Variants in USP25 observed in about 807,000 individuals in gnomAD.
USP25 encodes ubiquitin carboxyl-terminal hydrolase 25.
A neutral mutation model predicts 158.5 loss-of-function variants in USP25; 85 were observed. The observed-to-expected ratio is 0.54, with a 90% confidence interval of 0.45 to 0.64. The LOEUF (loss-of-function observed/expected upper bound fraction) is 0.64, where lower values mean the gene tolerates loss of function less well. Among genes scored for constraint, USP25 ranks in the 30% least tolerant of loss-of-function variants. The pLI, the probability that USP25 is intolerant of heterozygous loss-of-function variation, is 0.00. For synonymous variants in USP25, 464 were observed against 460.4 expected (o/e 1.01, Z -0.10); for missense variants, 1,242 against 1,327.3 (o/e 0.94, Z 1.00).
At chr21:15,760,386 T>C (rs2033655717) in intron 1 of USP25, among the ~76,000 whole-genome samples, 2 of 152,224 alleles carry the variant, frequency 1.3e-5, no homozygotes, top group African/African-American at 2.4e-5. Context: ...AGACTTGATG[T>C]TGGGTGTCCC....
intron 1 of USP25, among the ~76,000 whole-genome samples, chr21:15,732,571 T>G (rs962079328): frequency 3.3e-5 from 5 of 152,134 alleles, no homozygotes; most frequent in Non-Finnish European, 5.9e-5. Context: ...AAAGGAGAGG[T>G]GTGTAGTGTA....
At chr21:15,734,420 GATTATCTTATT>G (rs1192526649) in intron 1 of USP25, among the ~76,000 whole-genome samples, 6 of 152,152 alleles carry the variant, frequency 3.9e-5, no homozygotes, top group African/African-American at 1.4e-4. Context: ...GGAATCAGTT[GATTATCTTATT>G]ATTAGTATAA....
chr21:15,870,115 C>T lies in USP25; in HGVS notation c.2853C>T (p.Leu951=), dbSNP rs2039822665. The change falls in exon 23 of 26, where the codon CTC becomes CTT. Residue 951 remains leucine (L), a synonymous_variant. Coordinates refer to ENST00000400183, the MANE Select transcript of USP25 (RefSeq NM_001283041.3). ...AATTCAGGGAAACAACTATGTATCT[C>T]ATAATTGGGCTAGAAAATTTTCAAA... The part of the protein sequence containing the change: ...YRKFRETTMY[L]IIGLENFQRE... The T allele has an allele frequency of 3.1e-6, 5 of 1,609,348 alleles. No individual in the cohort carries two copies. Among genetic ancestry groups the T allele is most frequent in the South Asian group, 1.1e-5 (1 of 90,226 alleles).
At chr21:15,769,196 T>G (rs2034209204) in intron 3 of USP25, among the ~76,000 whole-genome samples, 1 of 152,116 alleles carries the variant, frequency 6.6e-6, no homozygotes, top group African/African-American at 2.4e-5. Context: ...TTGTGAGCCT[T>G]CCTTTAATAT....
chr21:15,824,946 T>C lies in USP25; in HGVS notation c.1209-20T>C, dbSNP rs369207812. 2.5e-6 allele frequency: 4 copies of C among 1,580,858 alleles called. No individual in the cohort carries two copies. In the African/African-American group the frequency reaches 5.4e-5, roughly 21 times the overall value. ...CTTTCATGATATTCGGAAATGCTAA[T>C]GATTACCTTTTTCTGATAGATACAT... On this transcript the variant is annotated intron_variant, in intron 11 of 25. Coordinates refer to ENST00000400183, the MANE Select transcript of USP25 (RefSeq NM_001283041.3).
Position 15,766,073 on chromosome 21 carries a change from C to G in USP25, c.200C>G (p.Thr67Arg). ...KNAKTPQQEETTYYQTALPGN... is the reference protein window; with the variant it reads ...KNAKTPQQEERTYYQTALPGN... Reference sequence around the variant, plus strand: ...GCTAAGACCCCTCAGCAGGAGGAGACAACTTACTACCAAACAGCACTTCCT... The same window carrying G: ...GCTAAGACCCCTCAGCAGGAGGAGAGAACTTACTACCAAACAGCACTTCCT... The change falls in exon 3 of 26, where the codon ACA becomes AGA. Residue 67 changes from threonine to arginine, a missense_variant. By Grantham distance (71) the Thr-to-Arg change is moderately conservative. Around this residue, in one of 3 missense-constraint regions of USP25, gnomAD observed 627 missense variants for 701.4 expected, o/e 0.89. Coordinates refer to ENST00000400183, the MANE Select transcript of USP25 (RefSeq NM_001283041.3). The surrounding 1 kb of genome is among the most constrained non-coding windows in gnomAD (Gnocchi z 4.0). 1 of 1,610,894 alleles carries G rather than the reference C, an allele frequency of 6.2e-7. No individual in the cohort carries two copies. Among genetic ancestry groups the G allele is most frequent in the Non-Finnish European group, 8.5e-7 (1 of 1,178,304 alleles).
intron 20 of USP25, among the ~76,000 whole-genome samples, chr21:15,856,031 T>G (rs927659993): frequency 6.6e-6 from 1 of 152,250 alleles, no homozygotes; most frequent in African/African-American, 2.4e-5. Context: ...TATAATTTTT[T>G]TCTATCCTTC....
chr21:15,737,016 T>C (rs2031586169), intron 1 of USP25, among the ~76,000 whole-genome samples: 1 of 152,118 alleles, frequency 6.6e-6, no homozygotes, highest in African/African-American at 2.4e-5. Context: ...TGTTTATGTA[T>C]GTATCTTTTT....
chr21:15,807,118 G>A (rs1006409258), intron 7 of USP25, among the ~76,000 whole-genome samples: 1 of 152,016 alleles, frequency 6.6e-6, no homozygotes, highest in Non-Finnish European at 1.5e-5. Flanking sequence ...TATAGAGACA[G>A]GATCTCCCTA....
At chr21:15,807,778 A>G (rs538916038) in intron 7 of USP25, among the ~76,000 whole-genome samples, 35 of 152,234 alleles carry the variant, frequency 2.3e-4, no homozygotes, top group African/African-American at 7.9e-4. Flanking sequence ...TACCTTAATT[A>G]TATTGACAAA....
At chr21:15,812,697 G>C (rs895747126) in intron 9 of USP25, among the ~76,000 whole-genome samples, 3 of 151,956 alleles carry the variant, frequency 2.0e-5, no homozygotes, top group African/African-American at 7.2e-5. Context: ...TGAAGTCTTT[G>C]TACTTGGTAT....
intron 1 of USP25, among the ~76,000 whole-genome samples, chr21:15,739,600 G>A (rs1393861174): frequency 6.6e-6 from 1 of 151,966 alleles, no homozygotes; most frequent in African/African-American, 2.4e-5. Flanking sequence ...ATTGATTTCT[G>A]CCCTGATGTG....
rs150214303 is a variant in USP25, at chr21:15,747,493, C to CCTATATA, written c.46-15397_46-15391dup. Among the ~76,000 whole-genome samples, 324 of 151,194 alleles carry CCTATATA rather than the reference C, an allele frequency of 2.1e-3. 2 individuals carry two copies. Among genetic ancestry groups the CCTATATA allele is most frequent in the African/African-American group, 7.7e-3 (317 of 41,234 alleles). ...ACTATATAGTACATATAGTTTTTTT[C>CCTATATA]CTATATATAGTATCTACCTGTGATA... On this transcript the variant is annotated intron_variant, in intron 1 of 25. Transcript: ENST00000400183.
chr21:15,807,722 G>C (rs1164705023), intron 7 of USP25, among the ~76,000 whole-genome samples: 1 of 152,138 alleles, frequency 6.6e-6, no homozygotes, highest in Non-Finnish European at 1.5e-5. Context: ...CTCACCATTG[G>C]ATTTAGCCCC....
chr21:15,789,420 A>G (rs537580753), intron 4 of USP25, among the ~76,000 whole-genome samples: 3 of 152,172 alleles, frequency 2.0e-5, no homozygotes, highest in African/African-American at 7.2e-5. Flanking sequence ...TTATTGTGAT[A>G]TGTGTGATCT....
chr21:15,863,135 C>T (rs1253710492), intron 20 of USP25, among the ~76,000 whole-genome samples: 4 of 151,828 alleles, frequency 2.6e-5, no homozygotes, highest in Non-Finnish European at 1.5e-5. Context: ...ATCATATGGT[C>T]CTCTTGTACA....
At chr21:15,741,254 C>G (rs2057862201) in intron 1 of USP25, among the ~76,000 whole-genome samples, 1 of 150,004 alleles carries the variant, frequency 6.7e-6, no homozygotes, top group African/African-American at 2.5e-5. Flanking sequence ...TATAAATATT[C>G]TCACATCTGT....
chr21:15,746,486 C>T (rs1004037957), intron 1 of USP25, among the ~76,000 whole-genome samples: 3 of 152,004 alleles, frequency 2.0e-5, no homozygotes, highest in Non-Finnish European at 4.4e-5. Context: ...CCGCCGCCTC[C>T]CAGGTTCAAG....
chr21:15,847,415 G>T (rs1213828908), intron 18 of USP25, among the ~76,000 whole-genome samples: 2 of 152,180 alleles, frequency 1.3e-5, no homozygotes, highest in African/African-American at 4.8e-5. Flanking sequence ...CTTGATGAAT[G>T]CATTTGCTTC....
Sources: allele counts gnomAD v4.1 joint callset (sites outside exome capture counted in the v4.1 genomes callset), GRCh38; gene constraint gnomAD v4.1.1; regional missense constraint gnomAD v4.1.1; non-coding constraint Gnocchi (gnomAD v3.1); transcripts MANE v1.5; gene names NCBI Gene and HGNC (gene_info 2026-07-23, HGNC 2026-07-21).